Variants in CHRM3 observed in about 807,000 individuals in gnomAD.
CHRM3 encodes cholinergic receptor muscarinic 3.
CHRM3 carries 11 observed loss-of-function variants against 41.8 expected under a neutral mutation model. That is an observed-to-expected ratio of 0.26 (90% CI 0.17 to 0.44). The LOEUF is 0.44. Ranked by LOEUF, CHRM3 falls within the 20% of genes least tolerant of loss-of-function variation. The pLI is 1.00. For missense variants in CHRM3, 571 were observed against 745.4 expected (o/e 0.77, Z 2.72); for synonymous variants, 297 against 301.4 (o/e 0.99, Z 0.15).
In CHRM3 at chr1:239,727,195, G is replaced by C. The variant is rs528555406; in HGVS notation, c.-147+48907G>C. Among the ~76,000 whole-genome samples, 11 of 152,024 alleles carry C rather than the reference G, an allele frequency of 7.2e-5. No homozygotes were observed. The South Asian group carries it at 2.3e-3, about 32-fold the overall frequency. ...TAAGTTACTGTCATGTTTCAATGCA[G>C]TTCTTAAATGGAGAGCTATAGTCTG... On this transcript the variant is annotated intron_variant, in intron 5 of 6. Coordinates refer to ENST00000676153, the MANE Select transcript of CHRM3 (RefSeq NM_001375978.1).
chr1:239,407,792 T>TA (rs1166201712), intron 1 of CHRM3, among the ~76,000 whole-genome samples: 6 of 151,930 alleles, frequency 3.9e-5, no homozygotes, highest in African/African-American at 7.3e-5. Flanking sequence ...AGTTTCTAAT[T>TA]AAAAAAAATT....
chr1:239,509,243 T>G (rs1668769641), intron 2 of CHRM3, among the ~76,000 whole-genome samples: 1 of 152,228 alleles, frequency 6.6e-6, no homozygotes, highest in Admixed American at 6.5e-5. Flanking sequence ...TATTTATTCT[T>G]GTTACCCTCC....
At chr1:239,558,821 A>G (rs1660612842) in intron 3 of CHRM3, among the ~76,000 whole-genome samples, 1 of 152,154 alleles carries the variant, frequency 6.6e-6, no homozygotes, top group Non-Finnish European at 1.5e-5. Context: ...TGCTTTATTT[A>G]CTAAGTATTT....
intron 1 of CHRM3, among the ~76,000 whole-genome samples, chr1:239,451,965 G>T (rs1330584108): frequency 6.6e-6 from 1 of 152,024 alleles, no homozygotes; most frequent in Admixed American, 6.6e-5. Context: ...AGACTATGCT[G>T]TATCTATATT....
chr1:239,758,084 A>G (rs781605194), intron 5 of CHRM3, among the ~76,000 whole-genome samples: 17 of 152,336 alleles, frequency 1.1e-4, no homozygotes, highest in African/African-American at 3.4e-4. Flanking sequence ...AACACTAAAT[A>G]CCTTATACAA....
At chr1:239,494,601 A>G (rs1290945158) in intron 2 of CHRM3, among the ~76,000 whole-genome samples, 1 of 152,038 alleles carries the variant, frequency 6.6e-6, no homozygotes, top group Admixed American at 6.6e-5. Context: ...TCTATTGCAT[A>G]GTTGAATATA....
At chr1:239,397,836 A>C (rs1006362587) in intron 1 of CHRM3, among the ~76,000 whole-genome samples, 7 of 151,366 alleles carry the variant, frequency 4.6e-5, no homozygotes, top group African/African-American at 1.7e-4. Flanking sequence ...TTTAGGAAGA[A>C]GCAGTGTGAA....
intron 1 of CHRM3, among the ~76,000 whole-genome samples, chr1:239,390,635 G>A (rs564298503): frequency 2.4e-3 from 334 of 140,104 alleles, no homozygotes; most frequent in African/African-American, 8.5e-3. Context: ...GTCTCACTCT[G>A]TCGCCCAGGT....
chr1:239,580,077 C>A (rs1041987687), intron 3 of CHRM3, among the ~76,000 whole-genome samples: 3 of 152,114 alleles, frequency 2.0e-5, no homozygotes, highest in African/African-American at 7.2e-5. Flanking sequence ...CTGTCCAGAT[C>A]TTAGAACTTT....
At chr1:239,639,467 A>G (rs1670857691) in intron 4 of CHRM3, among the ~76,000 whole-genome samples, 1 of 152,142 alleles carries the variant, frequency 6.6e-6, no homozygotes, top group Admixed American at 6.6e-5. Flanking sequence ...TTCTTCTTGA[A>G]GAGGTCCTTC....
At chr1:239,865,331 T>C (rs12058882) in intron 6 of CHRM3, among the ~76,000 whole-genome samples, 6,256 of 152,318 alleles carry the variant, frequency 0.041, 438 homozygotes, top group African/African-American at 0.14. Context: ...AAGACATTGG[T>C]TGTCTGTGGG....
At position 239,624,683 on chromosome 1, in the gene CHRM3, G is replaced by A. The variant is rs1310508960; in HGVS notation, c.-312-7541G>A. Among the ~76,000 whole-genome samples, 8 of 131,796 alleles carry A rather than the reference G, an allele frequency of 6.1e-5. No homozygotes were observed. The East Asian group carries it at 1.2e-3, about 19-fold the overall frequency. 86.5% of individuals were successfully genotyped at this position (131,796 alleles called of 152,430 possible). On this transcript the variant is annotated intron_variant, in intron 3 of 6. Transcript: ENST00000676153. ...TCTTGAATTGATTTTTGTATAAGGT[G>A]TAAGGAAGGGATCCAGTTTCAGCTT...
chr1:239,891,661 T>G (rs1678560535), intron 6 of CHRM3, among the ~76,000 whole-genome samples: 1 of 152,162 alleles, frequency 6.6e-6, no homozygotes, highest in South Asian at 2.1e-4. Flanking sequence ...CTGGGTCCCA[T>G]GTACAAAAAA....
intron 3 of CHRM3, among the ~76,000 whole-genome samples, chr1:239,559,943 C>T (rs190921654): frequency 1.3e-5 from 2 of 152,162 alleles, no homozygotes; most frequent in East Asian, 1.9e-4. Flanking sequence ...TGGCATTGAC[C>T]GCAGTAGATG....
chr1:239,773,403 T>G (rs1230822208), intron 5 of CHRM3, among the ~76,000 whole-genome samples: 3 of 152,252 alleles, frequency 2.0e-5, no homozygotes, highest in Non-Finnish European at 4.4e-5. Context: ...TGAAGAGGTC[T>G]GGAAGAAGGT....
intron 5 of CHRM3, among the ~76,000 whole-genome samples, chr1:239,741,413 G>T (rs956505373): frequency 2.0e-5 from 3 of 152,132 alleles, no homozygotes; most frequent in African/African-American, 7.2e-5. Flanking sequence ...TCACATGAGG[G>T]TCTTATGACC....
chr1:239,591,867 T>C (rs902457441), intron 3 of CHRM3, among the ~76,000 whole-genome samples: 6 of 152,186 alleles, frequency 3.9e-5, no homozygotes, highest in Non-Finnish European at 7.3e-5. Flanking sequence ...AAGAAGGGTG[T>C]CATTTCTATG....
intron 3 of CHRM3, among the ~76,000 whole-genome samples, chr1:239,563,337 G>A (rs146670578): frequency 6.6e-6 from 1 of 152,210 alleles, no homozygotes; most frequent in East Asian, 1.9e-4. Context: ...TCAGCTCAGA[G>A]TGGGCATAAA....
chr1:239,852,743 G>A (rs980004455), intron 6 of CHRM3, among the ~76,000 whole-genome samples: 5 of 152,118 alleles, frequency 3.3e-5, no homozygotes, highest in African/African-American at 1.2e-4. Flanking sequence ...AGCACATAGT[G>A]CTGACGTAGT....
Sources: gnomAD v4.1 joint callset for allele counts (sites outside exome capture counted in the v4.1 genomes callset) on GRCh38, gnomAD v4.1.1 for gene constraint, MANE v1.5 for transcripts, NCBI Gene and HGNC (gene_info 2026-07-23, HGNC 2026-07-21) for gene names.